Variants in GRM8 observed in about 807,000 individuals in gnomAD.
GRM8 encodes the protein metabotropic glutamate receptor 8.
In GRM8, 47 loss-of-function variants were observed where a neutral mutation model predicts 87.2. The ratio of observed to expected loss-of-function variants is 0.54; its 90% confidence interval spans 0.43 to 0.69. The LOEUF (loss-of-function observed/expected upper bound fraction) is 0.69, where lower values mean the gene tolerates loss of function less well. Ranked by LOEUF, GRM8 falls within the 30% of genes least tolerant of loss-of-function variation. The pLI, the probability that GRM8 is intolerant of heterozygous loss-of-function variation, is 0.00. For synonymous variants in GRM8, 396 were observed against 404.5 expected (o/e 0.98, Z 0.25); for missense variants, 1,019 against 1,139.2 (o/e 0.89, Z 1.52).
At chr7:126,615,106 G>A (rs1799321122) in intron 7 of GRM8, among the ~76,000 whole-genome samples, 2 of 152,134 alleles carry the variant, frequency 1.3e-5, no homozygotes, top group Admixed American at 1.3e-4. Flanking sequence ...GGGAAAAAAT[G>A]TTAAGGGCAG....
chr7:127,126,951 T>C (rs1034733430), intron 2 of GRM8, among the ~76,000 whole-genome samples: 2 of 151,794 alleles, frequency 1.3e-5, no homozygotes, highest in Non-Finnish European at 2.9e-5. Context: ...AGAGAAGATA[T>C]ACAAATGGAT....
In GRM8 at chr7:126,438,986, G is replaced by T. The variant is rs926648673; in HGVS notation, c.*133C>A. On this transcript the variant is annotated 3_prime_UTR_variant, in exon 11 of 11. Transcript: ENST00000339582. ...TACTTTTGGCTCATGGCTAATTTTTGTTCCTTACAAGACTGACTATTGATT... is the reference window on the plus strand; with the variant it reads ...TACTTTTGGCTCATGGCTAATTTTTTTTCCTTACAAGACTGACTATTGATT... The T allele has an allele frequency of 9.1e-6, 6 of 660,626 alleles. No individual in the cohort carries two copies. The highest frequency in any genetic ancestry group is 1.9e-5 in the South Asian group (1 of 53,020). 40.9% of individuals were successfully genotyped at this position (660,626 alleles called of 1,614,324 possible).
intron 7 of GRM8, among the ~76,000 whole-genome samples, chr7:126,639,205 T>C (rs1802142697): frequency 6.6e-6 from 1 of 152,232 alleles, no homozygotes; most frequent in Non-Finnish European, 1.5e-5. Context: ...ACACTTTGCT[T>C]GCATCTCTCT....
At chr7:126,509,722 T>C (rs982579415) in intron 9 of GRM8, among the ~76,000 whole-genome samples, 3 of 151,958 alleles carry the variant, frequency 2.0e-5, no homozygotes, top group East Asian at 1.9e-4. Context: ...GAGATAAAAT[T>C]TGAAATCAGG....
chr7:126,604,192 G>A (rs1798115809), intron 8 of GRM8, among the ~76,000 whole-genome samples: 1 of 152,122 alleles, frequency 6.6e-6, no homozygotes, highest in Non-Finnish European at 1.5e-5. Context: ...CTATAGGTAT[G>A]TGGTAAAGAC....
At chr7:126,643,007 C>T (rs1255290660) in intron 7 of GRM8, among the ~76,000 whole-genome samples, 3 of 151,852 alleles carry the variant, frequency 2.0e-5, no homozygotes, top group Non-Finnish European at 4.4e-5. Context: ...ATGTTGGAAG[C>T]AGGCCAGGTG....
intron 7 of GRM8, among the ~76,000 whole-genome samples, chr7:126,682,516 A>G (rs1807704796): frequency 6.6e-6 from 1 of 152,214 alleles, no homozygotes; most frequent in African/African-American, 2.4e-5. Context: ...ATTTTAACTC[A>G]GTTGTTTCCT....
At chr7:126,950,242 G>A (rs533202319) in intron 3 of GRM8, among the ~76,000 whole-genome samples, 1 of 152,258 alleles carries the variant, frequency 6.6e-6, no homozygotes, top group East Asian at 1.9e-4. Context: ...GGTTGAAATA[G>A]CCAAATGATC....
intron 6 of GRM8, among the ~76,000 whole-genome samples, chr7:126,901,843 G>C (rs913139369): frequency 1.3e-5 from 2 of 151,856 alleles, no homozygotes; most frequent in African/African-American, 4.8e-5. Context: ...CTATGTGTTA[G>C]TTTCTAATAC....
rs556763887 is a variant in GRM8 at position 127,035,357 on chromosome 7, C to T, written c.727+71139G>A. 9.9e-5 allele frequency among the ~76,000 whole-genome samples: 15 copies of T among 152,262 alleles called. No individual in the cohort carries two copies. In the South Asian group the frequency reaches 2.7e-3, roughly 27 times the overall value. On this transcript the variant is annotated intron_variant, in intron 3 of 10. Coordinates refer to ENST00000339582, the MANE Select transcript of GRM8 (RefSeq NM_000845.3). ...ATTCACTCAAGCAACCAGTCGATTT[C>T]GTGAAACATTTACTCAGGCCTGTGT...
chr7:127,213,212 TC>T (rs1796325652), intron 2 of GRM8, among the ~76,000 whole-genome samples: 1 of 152,194 alleles, frequency 6.6e-6, no homozygotes, highest in African/African-American at 2.4e-5. Flanking sequence ...CAATTTACCT[TC>T]CCTTATACAC....
At chr7:126,596,216 C>A (rs2151059130) in intron 8 of GRM8, among the ~76,000 whole-genome samples, 1 of 152,272 alleles carries the variant, frequency 6.6e-6, no homozygotes, top group Admixed American at 6.5e-5. Context: ...GTTTTAAGTT[C>A]TTTGAGAAAT....
At chr7:126,812,826 G>A (rs183038943) in intron 6 of GRM8, among the ~76,000 whole-genome samples, 2 of 152,110 alleles carry the variant, frequency 1.3e-5, no homozygotes, top group East Asian at 3.9e-4. Context: ...TTTTGCAGTA[G>A]TACATGACTT....
chr7:126,839,678 C>T (rs1312931641), intron 6 of GRM8, among the ~76,000 whole-genome samples: 1 of 152,140 alleles, frequency 6.6e-6, no homozygotes, highest in East Asian at 1.9e-4. Flanking sequence ...AGAAATTGGG[C>T]TTAAAACACA....
intron 3 of GRM8, among the ~76,000 whole-genome samples, chr7:126,979,892 C>T (rs761589584): frequency 6.6e-6 from 1 of 152,172 alleles, no homozygotes; most frequent in Non-Finnish European, 1.5e-5. Flanking sequence ...TTACATCTGC[C>T]CAGAAGAGGC....
At chr7:126,786,876 T>C (rs1304881579) in intron 6 of GRM8, among the ~76,000 whole-genome samples, 2 of 152,236 alleles carry the variant, frequency 1.3e-5, no homozygotes, top group African/African-American at 4.8e-5. Context: ...AAAGCGTTTC[T>C]GAACTGTATG....
At chr7:126,951,653 G>T (rs553830462) in intron 3 of GRM8, among the ~76,000 whole-genome samples, 1 of 151,916 alleles carries the variant, frequency 6.6e-6, no homozygotes, top group East Asian at 1.9e-4. Flanking sequence ...TATGTTTCTC[G>T]CAGGGGCATA....
intron 2 of GRM8, among the ~76,000 whole-genome samples, chr7:127,226,401 T>A (rs1421837767): frequency 6.6e-6 from 1 of 152,240 alleles, no homozygotes; most frequent in Non-Finnish European, 1.5e-5. Context: ...ATCTACTTTT[T>A]ATGTTTGCCC....
At chr7:126,873,225 G>C (rs1448201401) in intron 6 of GRM8, among the ~76,000 whole-genome samples, 1 of 152,032 alleles carries the variant, frequency 6.6e-6, no homozygotes, top group Non-Finnish European at 1.5e-5. Context: ...AAATTGACAG[G>C]TCAATTCAAA....
Sources: allele counts gnomAD v4.1 joint callset (sites outside exome capture counted in the v4.1 genomes callset), GRCh38; gene constraint gnomAD v4.1.1; transcripts MANE v1.5; gene names NCBI Gene and HGNC (gene_info 2026-07-23, HGNC 2026-07-21).